The following ELMO2 variants were observed in gnomAD, a reference collection of about 807,000 sequenced individuals.
The protein encoded by ELMO2 is engulfment and cell motility 2, also known as engulfment and cell motility protein 2.
ELMO2 carries 37 observed loss-of-function variants against 96.2 expected under a neutral mutation model. The ratio of observed to expected loss-of-function variants is 0.38; its 90% CI spans 0.30 to 0.51. ELMO2 has a LOEUF of 0.51. Among genes scored for constraint, ELMO2 ranks in the 20% least tolerant of loss-of-function variants. ELMO2 has a pLI of 0.88. For missense variants in ELMO2, 561 were observed against 912.6 expected, an observed-to-expected ratio of 0.61 and a Z score of 4.96; for synonymous variants, 315 against 329.4, an observed-to-expected ratio of 0.96 and a Z score of 0.47.
Position 46,386,129 on chromosome 20 carries a change from G to C in ELMO2, c.672C>G (p.Leu224=), listed in dbSNP as rs748994437. 4.3e-6 allele frequency: 7 copies of C among 1,613,946 alleles called. No individual in the cohort carries two copies. The highest frequency in any genetic ancestry group is 5.9e-6 in the Non-Finnish European group (7 of 1,179,842). Residue 224 remains leucine (L), a synonymous_variant, in exon 9 of 22, where the codon CTC becomes CTG. Coordinates refer to ENST00000290246, the MANE Select transcript of ELMO2 (RefSeq NM_133171.5). ...EITVGQLISH[L]QVSNQEIQTY... ...GTGTAGGGTTTTTTACTCACACCTG[G>C]AGGTGTGAGATGAGCTGTCCCACGG...
chr20:46,395,024 C>T (rs2060220165), intron 2 of ELMO2, among the ~76,000 whole-genome samples: 1 of 152,152 alleles, frequency 6.6e-6, no homozygotes, highest in African/African-American at 2.4e-5. Flanking sequence ...CTCATCGATG[C>T]CACCCCTTTC....
chr20:46,373,203 G>A, intron 16 of ELMO2, 196 bp downstream of exon 16: 1 of 651,414 alleles, frequency 1.5e-6, no homozygotes, highest in Non-Finnish European at 2.5e-6. Flanking sequence ...GCACCAAGTG[G>A]AAGACAAGCT....
At chr20:46,380,097 G>A (rs574545769) in intron 11 of ELMO2, 156 bp downstream of exon 11, 3 of 609,684 alleles carry the variant, frequency 4.9e-6, no homozygotes, top group Non-Finnish European at 5.5e-6. Flanking sequence ...AGAGGATCGC[G>A]GGAAAAAGCT....
intron 21 of ELMO2, among the ~76,000 whole-genome samples, chr20:46,367,999 C>T (rs1183787167): frequency 1.3e-5 from 2 of 152,074 alleles, no homozygotes; most frequent in Non-Finnish European, 2.9e-5. Flanking sequence ...CCAGTCAATA[C>T]ATATTAAAGA....
chr20:46,367,439 T>C lies in ELMO2; in HGVS notation c.2084A>G (p.Glu695Gly). ...TGGGGCTTCGGGAATCTGGATGTTC[T>C]CCAGGTCCAGGAGCCGCAGCTTCAT... ...MEMKLRLLDL[E>G]NIQIPEAPPP... Residue 695 changes from glutamate (E) to glycine (G), a missense_variant, in exon 22 of 22, where the codon GAG becomes GGG. Physicochemically the swap from Glu to Gly is moderately conservative, Grantham distance 98. Transcript: ENST00000290246. 6.2e-7 allele frequency: 1 copy of C among 1,613,286 alleles called. No homozygotes were observed. The highest frequency in any genetic ancestry group is 8.5e-7 in the Non-Finnish European group (1 of 1,179,718).
intron 10 of ELMO2, among the ~76,000 whole-genome samples, chr20:46,381,689 G>A (rs1178431655): frequency 2.0e-5 from 3 of 152,212 alleles, no homozygotes; most frequent in Non-Finnish European, 4.4e-5. Context: ...TCTCTGTGGT[G>A]TCAGGGGGAG....
rs2059844648 is a variant in ELMO2 at position 46,375,605 on chromosome 20, A to T, written c.930+63T>A. The T allele has an allele frequency of 6.2e-7, 1 of 1,607,312 alleles. No individual in the cohort carries two copies. The highest frequency in any genetic ancestry group is 1.3e-5 in the African/African-American group (1 of 74,794). ...ACAAAGACCAAGCACAGTGCCTGGC[A>T]CATAGACTAAGGCTGGACTGCACCA... On this transcript the variant is annotated intron_variant, in intron 12 of 21. Coordinates refer to ENST00000290246, the MANE Select transcript of ELMO2 (RefSeq NM_133171.5). This position sits in a 1 kb window ranked among gnomAD's most constrained non-coding sequence, Gnocchi z 4.6.
chr20:46,371,442 G>A lies in ELMO2; in HGVS notation c.1711C>T (p.Arg571Trp), dbSNP rs1568747792. The change falls in exon 19 of 22, where the codon CGG (arginine) becomes TGG (tryptophan). Residue 571 changes from arginine (R) to tryptophan (W), a missense_variant. Coordinates refer to ENST00000290246, the MANE Select transcript of ELMO2 (RefSeq NM_133171.5). The surrounding 1 kb of genome is among the most constrained non-coding windows in gnomAD (Gnocchi z 5.9). ...RRRQERFWYC[R>W]LALNHKVLHY... ...AGGACCTTGTGGTTCAGTGCCAACC[G>A]GCAGTACCAGAACCGTTCTGGAACA... The A allele has an allele frequency of 3.1e-6, 5 of 1,614,228 alleles. No individual in the cohort carries two copies. The highest frequency in any genetic ancestry group is 3.4e-6 in the Non-Finnish European group (4 of 1,180,038).
rs748188452 is a variant in ELMO2, at chr20:46,387,348, A to C, written c.515T>G (p.Phe172Cys). The change falls in exon 8 of 22, where the codon TTT (phenylalanine) becomes TGT (cysteine). Residue 172 changes from phenylalanine (F) to cysteine (C), a missense_variant. Transcript: ENST00000290246. Reference sequence around the variant, plus strand: ...TGTTGGAGGCCTCACCTGCTTAATAAAGGTGATTGAAACCATGTCCCAGGA... The same window carrying C: ...TGTTGGAGGCCTCACCTGCTTAATACAGGTGATTGAAACCATGTCCCAGGA... ...IVSWDMVSIT[F>C]IKQIAGYVSQ... 1 of 1,613,768 alleles carries C rather than the reference A, an allele frequency of 6.2e-7. No individual in the cohort carries two copies. The highest frequency in any genetic ancestry group is 1.3e-5 in the African/African-American group (1 of 75,022).
intron 1 of ELMO2, among the ~76,000 whole-genome samples, chr20:46,399,387 T>C (rs1367818406): frequency 6.6e-6 from 1 of 152,190 alleles, no homozygotes; most frequent in African/African-American, 2.4e-5. Context: ...CCATGTTCTT[T>C]CAATTCTTCT....
chr20:46,387,577 CCT>C (rs1322019714), intron 7 of ELMO2, 140 bp from the exon 8 acceptor site: 1 of 568,352 alleles, frequency 1.8e-6, no homozygotes, highest in African/African-American at 1.9e-5. Context: ...ACTGTAAGTG[CCT>C]GTGTGCACAC....
chr20:46,381,205 C>T (rs1056381284), intron 10 of ELMO2, among the ~76,000 whole-genome samples: 3 of 152,168 alleles, frequency 2.0e-5, no homozygotes, highest in Non-Finnish European at 4.4e-5. Flanking sequence ...ACAAAATGGT[C>T]CCAGATTACA....
intron 7 of ELMO2, 29 bp from the exon 8 acceptor site, chr20:46,387,466 T>C (rs762657630): frequency 2.5e-5 from 39 of 1,575,052 alleles, no homozygotes; most frequent in Non-Finnish European, 3.1e-5. Flanking sequence ...ACACACAAAA[T>C]AGACAAAGAT....
At chr20:46,376,908 C>T in intron 11 of ELMO2, 1 of 1,036,012 alleles carries the variant, frequency 9.7e-7, no homozygotes, top group South Asian at 1.6e-5. Context: ...AAATTTGGTT[C>T]CTTAGTTGCA....
Position 46,393,584 on chromosome 20 carries a change from G to A in ELMO2, c.137C>T (p.Pro46Leu). ...TGCATAACGGAGGGTATAATACTCTGGGTTTGGCAACGACCACCTATGCAA... is the reference window on the plus strand; with the variant it reads ...TGCATAACGGAGGGTATAATACTCTAGGTTTGGCAACGACCACCTATGCAA... Reference protein sequence around the residue: ...EVCDGWSLPNPEYYTLRYADG... With the variant: ...EVCDGWSLPNLEYYTLRYADG... Residue 46 changes from proline (P) to leucine (L), a missense_variant, in exon 5 of 22, where the codon CCA (proline) becomes CTA (leucine). Coordinates refer to ENST00000290246, the MANE Select transcript of ELMO2 (RefSeq NM_133171.5). The A allele has an allele frequency of 6.2e-7, 1 of 1,613,904 alleles. No homozygotes were observed. The highest frequency in any genetic ancestry group is 8.5e-7 in the Non-Finnish European group (1 of 1,180,020).
Position 46,375,481 on chromosome 20 carries a change from T to C in ELMO2, c.931-111A>G. On this transcript the variant is annotated intron_variant, in intron 12 of 21. Coordinates refer to ENST00000290246, the MANE Select transcript of ELMO2 (RefSeq NM_133171.5). The surrounding 1 kb of genome is among the most constrained non-coding windows in gnomAD (Gnocchi z 4.6). ...CAAACTTTGGCCCCAATCAATCCCT[T>C]AGGAGGCATCACCTCTACCACAGCA... The C allele has an allele frequency of 6.6e-7, 1 of 1,507,034 alleles. No individual in the cohort carries two copies. The allele number at this position is 1,507,034 out of a possible 1,614,324, so 93.4% of individuals were successfully genotyped here.
Position 46,375,516 on chromosome 20 carries a change from T to G in ELMO2, c.931-146A>C. 6.8e-7 allele frequency: 1 copy of G among 1,480,232 alleles called. No individual in the cohort carries two copies. Among genetic ancestry groups the G allele is most frequent in the Non-Finnish European group, 9.2e-7 (1 of 1,091,558 alleles). 91.7% of individuals were successfully genotyped at this position (1,480,232 alleles called of 1,614,324 possible). ...CACCTCTACCACAGCAGGACAGAAA[T>G]GGGCTTGGCTCATGGTGCAGATCAT... On this transcript the variant is annotated intron_variant, in intron 12 of 21. Transcript: ENST00000290246. The surrounding 1 kb of genome is among the most constrained non-coding windows in gnomAD (Gnocchi z 4.6).
intron 9 of ELMO2, 21 bp downstream of exon 9, chr20:46,386,103 G>A: frequency 6.2e-7 from 1 of 1,607,184 alleles, no homozygotes; most frequent in Non-Finnish European, 8.5e-7. Flanking sequence ...AAGGGAGGGA[G>A]GTGTAGGGTT....
intron 6 of ELMO2, among the ~76,000 whole-genome samples, chr20:46,390,194 TAGAC>T (rs2060127731): frequency 6.6e-6 from 1 of 152,000 alleles, no homozygotes; most frequent in Admixed American, 6.6e-5. Context: ...ATAAAACTGT[TAGAC>T]AGCAGAAGAG....
Sources: gnomAD v4.1 joint callset for allele counts (sites outside exome capture counted in the v4.1 genomes callset) on GRCh38, gnomAD v4.1.1 for gene constraint, Gnocchi (gnomAD v3.1) non-coding constraint, MANE v1.5 for transcripts, NCBI Gene and HGNC (gene_info 2026-07-23, HGNC 2026-07-21) for gene names.